The following AGAP1 variants were observed in gnomAD, a reference collection of about 807,000 sequenced individuals.
The protein encoded by AGAP1 is arf-GAP with GTPase, ANK repeat and PH domain-containing protein 1.
AGAP1 carries 29 observed loss-of-function variants against 105.3 expected under a neutral mutation model. That is an observed-to-expected ratio of 0.28 (90% confidence interval 0.21 to 0.38). The LOEUF is 0.38. Among genes scored for constraint, AGAP1 ranks in the 10% least tolerant of loss-of-function variants. AGAP1 has a pLI of 1.00. For synonymous variants in AGAP1, 509 were observed against 485.9 expected, an observed-to-expected ratio of 1.05 and a Z score of -0.63; for missense variants, 998 against 1,165.1, an observed-to-expected ratio of 0.86 and a Z score of 2.09.
At chr2:236,024,999 T>C (rs1304259211) in intron 13 of AGAP1, among the ~76,000 whole-genome samples, 1 of 152,246 alleles carries the variant, frequency 6.6e-6, no homozygotes, top group Non-Finnish European at 1.5e-5. Flanking sequence ...CACCGTCTGT[T>C]ACTTCAGGCT....
At chr2:235,759,481 C>A (rs75132209) in intron 6 of AGAP1, among the ~76,000 whole-genome samples, 10,903 of 152,268 alleles carry the variant, frequency 0.072, 1,290 homozygotes, top group African/African-American at 0.24. Flanking sequence ...GGCAGCTTCA[C>A]ATGTAGGGCC....
chr2:235,996,253 G>T (rs565642323), intron 13 of AGAP1, among the ~76,000 whole-genome samples: 6 of 152,184 alleles, frequency 3.9e-5, no homozygotes, highest in Non-Finnish European at 5.9e-5. Flanking sequence ...CAGGGCACCC[G>T]CTTGACACCT....
At chr2:235,683,987 G>A (rs1218034350) in intron 1 of AGAP1, among the ~76,000 whole-genome samples, 1 of 152,042 alleles carries the variant, frequency 6.6e-6, no homozygotes, top group Non-Finnish European at 1.5e-5. Context: ...TGCTGAGAAT[G>A]ATGGTTTCCA....
rs895189088 is a variant in AGAP1, at chr2:235,971,080, C to T, written c.1645+2457C>T. On this transcript the variant is annotated intron_variant, in intron 13 of 17. Transcript: ENST00000304032. The surrounding 1 kb of genome is among the most constrained non-coding windows in gnomAD (Gnocchi z 4.8). ...GTTTGGAAGTCCAAGGCAGAGGTTC[C>T]AAGGGAGCCACCTCACTCTCTAATT... 6.6e-6 allele frequency among the ~76,000 whole-genome samples: 1 copy of T among 152,192 alleles called. No individual in the cohort carries two copies. The highest frequency in any genetic ancestry group is 1.5e-5 in the Non-Finnish European group (1 of 68,040).
At position 235,741,077 on chromosome 2, in the gene AGAP1, C is replaced by CT. The variant is rs767538224; in HGVS notation, c.396+36dup. 6.0e-6 allele frequency: 9 copies of CT among 1,510,044 alleles called. No homozygotes were observed. Among genetic ancestry groups the CT allele is most frequent in the South Asian group, 5.4e-5 (4 of 74,542 alleles). The allele number at this position is 1,510,044 out of a possible 1,614,324, so 93.5% of individuals were successfully genotyped here. A position where few individuals can be genotyped will look rare whatever the true frequency, so the allele number is the denominator to read the frequency against. ...AGTATACATGCATGCCCCAAGCCTGCTTTTTTTCCCTTTGTTTTCTAAGGT... is the reference window on the plus strand; with the variant it reads ...AGTATACATGCATGCCCCAAGCCTGCTTTTTTTTCCCTTTGTTTTCTAAGGT... On this transcript the variant is annotated intron_variant, in intron 4 of 17. Transcript: ENST00000304032. The surrounding 1 kb of genome is among the most constrained non-coding windows in gnomAD (Gnocchi z 4.9).
intron 9 of AGAP1, among the ~76,000 whole-genome samples, chr2:235,860,025 T>C (rs2048860869): frequency 6.6e-6 from 1 of 152,256 alleles, no homozygotes; most frequent in Non-Finnish European, 1.5e-5. Flanking sequence ...CATAATTGCT[T>C]TCTTCTGTCC....
rs565356408 is a variant in AGAP1 at position 236,112,862 on chromosome 2, G to A, written c.2115-7330G>A. Among the ~76,000 whole-genome samples, 7 of 152,360 alleles carry A rather than the reference G, an allele frequency of 4.6e-5. No homozygotes were observed. The East Asian group carries it at 9.6e-4, about 21-fold the overall frequency. Reference sequence around the variant, plus strand: ...ATGGCCCCAGGCCTGTCCTGAAGGCGGGGGCCAGATTGGGAGCCCCCCTGC... The same window carrying A: ...ATGGCCCCAGGCCTGTCCTGAAGGCAGGGGCCAGATTGGGAGCCCCCCTGC... On this transcript the variant is annotated intron_variant, in intron 16 of 17. Coordinates refer to ENST00000304032, the MANE Select transcript of AGAP1 (RefSeq NM_001037131.3).
chr2:235,968,720 A>G, intron 13 of AGAP1, 97 bp downstream of exon 13: 2 of 1,176,092 alleles, frequency 1.7e-6, no homozygotes, highest in East Asian at 2.7e-5. Context: ...AGCACAACAA[A>G]TGCACAGTAA....
chr2:236,019,005 C>T (rs1205798016), intron 13 of AGAP1, among the ~76,000 whole-genome samples: 1 of 152,218 alleles, frequency 6.6e-6, no homozygotes, highest in African/African-American at 2.4e-5. Context: ...CCCGCACCTG[C>T]CTTCTCCACT....
rs894660661 is a variant in AGAP1 at position 235,801,465 on chromosome 2, T to A, written c.957+1943T>A. ...AAATACAGGTGAGTATCTCACATGCTTAAATTAGTGCATGGATAACATGTT... is the reference window on the plus strand; with the variant it reads ...AAATACAGGTGAGTATCTCACATGCATAAATTAGTGCATGGATAACATGTT... On this transcript the variant is annotated intron_variant, in intron 8 of 17. Coordinates refer to ENST00000304032, the MANE Select transcript of AGAP1 (RefSeq NM_001037131.3). This position sits in a 1 kb window ranked among gnomAD's most constrained non-coding sequence, Gnocchi z 6.0. Among the ~76,000 whole-genome samples the A allele has an allele frequency of 6.6e-6, 1 of 152,028 alleles. No homozygotes were observed. The highest frequency in any genetic ancestry group is 1.5e-5 in the Non-Finnish European group (1 of 68,020).
At position 235,719,618 on chromosome 2, in the gene AGAP1, G is replaced by A. The variant is rs1291296443; in HGVS notation, c.310+1974G>A. ...ATTATTTTTAAGAGTAGGAGCGTGG[G>A]TGAGTACCTTCCTTTCTTCATCTGC... On this transcript the variant is annotated intron_variant, in intron 3 of 17. Transcript: ENST00000304032. This position sits in a 1 kb window ranked among gnomAD's most constrained non-coding sequence, Gnocchi z 4.9. Among the ~76,000 whole-genome samples the A allele has an allele frequency of 6.6e-6, 1 of 152,206 alleles. No individual in the cohort carries two copies. The highest frequency in any genetic ancestry group is 1.5e-5 in the Non-Finnish European group (1 of 68,034).
intron 1 of AGAP1, among the ~76,000 whole-genome samples, chr2:235,603,146 T>G (rs1574944238): frequency 6.6e-6 from 1 of 152,296 alleles, no homozygotes; most frequent in South Asian, 2.1e-4. Flanking sequence ...CCCCATACTG[T>G]TCTGATGGTA....
chr2:235,688,323 T>C (rs188210075), intron 1 of AGAP1, among the ~76,000 whole-genome samples: 1 of 152,312 alleles, frequency 6.6e-6, no homozygotes, highest in Admixed American at 6.5e-5. Flanking sequence ...GTCTGTGGTG[T>C]CTGTTTGGGG....
At chr2:235,657,945 C>T (rs927469730) in intron 1 of AGAP1, among the ~76,000 whole-genome samples, 1 of 152,160 alleles carries the variant, frequency 6.6e-6, no homozygotes, top group African/African-American at 2.4e-5. Flanking sequence ...GGGAAGACGG[C>T]ATGTCCAAGC....
intron 4 of AGAP1, among the ~76,000 whole-genome samples, chr2:235,743,219 AT>A (rs1952692298): frequency 6.6e-6 from 1 of 152,174 alleles, no homozygotes; most frequent in Non-Finnish European, 1.5e-5. Flanking sequence ...AACATGTTAG[AT>A]TGGGGGGTTA....
chr2:235,715,364 G>C (rs1369824898), intron 2 of AGAP1, among the ~76,000 whole-genome samples: 1 of 147,892 alleles, frequency 6.8e-6, no homozygotes, highest in Admixed American at 6.7e-5. Context: ...AGTGTAGTGG[G>C]AGGTGGAGCC....
Position 235,575,272 on chromosome 2 carries a change from T to C in AGAP1, c.163+80423T>C, listed in dbSNP as rs1158675239. Among the ~76,000 whole-genome samples, 7 of 152,320 alleles carry C rather than the reference T, an allele frequency of 4.6e-5. No homozygotes were observed. The East Asian group carries it at 1.4e-3, about 29-fold the overall frequency. ...GTTTCCAAAATTCCTAAATTACATG[T>C]CATGTTTGTTGATTATTTGTATATG... On this transcript the variant is annotated intron_variant, in intron 1 of 17. Coordinates refer to ENST00000304032, the MANE Select transcript of AGAP1 (RefSeq NM_001037131.3).
chr2:236,070,407 C>T (rs1398257534), intron 16 of AGAP1, among the ~76,000 whole-genome samples: 4 of 152,190 alleles, frequency 2.6e-5, no homozygotes, highest in African/African-American at 4.8e-5. Context: ...AGTGAAATTA[C>T]GGGGCTACTC....
At chr2:235,812,459 C>T (rs984762937) in intron 9 of AGAP1, among the ~76,000 whole-genome samples, 4 of 152,356 alleles carry the variant, frequency 2.6e-5, no homozygotes, top group Admixed American at 2.0e-4. Context: ...CAGCCTGCCG[C>T]AGGCCACCGA....
Sources: allele counts gnomAD v4.1 joint callset (sites outside exome capture counted in the v4.1 genomes callset), GRCh38; gene constraint gnomAD v4.1.1; non-coding constraint Gnocchi (gnomAD v3.1); transcripts MANE v1.5; gene names NCBI Gene and HGNC (gene_info 2026-07-23, HGNC 2026-07-21).